The following FGF12 variants were observed in gnomAD, a reference collection of about 807,000 sequenced individuals.
The protein encoded by FGF12 is fibroblast growth factor 12B.
A neutral mutation model predicts 23.6 loss-of-function variants in FGF12; 14 were observed. The observed-to-expected ratio is 0.59, with a 90% confidence interval of 0.39 to 0.93. FGF12 has a LOEUF of 0.93. FGF12 is among the 40% of genes least tolerant of loss of function. The pLI, the probability that FGF12 is intolerant of heterozygous loss-of-function variation, is 0.00. For missense variants in FGF12, 175 were observed against 217.8 expected, an observed-to-expected ratio of 0.80 and a Z score of 1.24; for synonymous variants, 62 against 77.3, an observed-to-expected ratio of 0.80 and a Z score of 1.04.
chr3:192,323,555 G>C (rs891557481), intron 4 of FGF12, among the ~76,000 whole-genome samples: 1 of 152,122 alleles, frequency 6.6e-6, no homozygotes, highest in Non-Finnish European at 1.5e-5. Flanking sequence ...GCTTACCAGA[G>C]GCCAGGAAAG....
rs1038067604 is a variant in FGF12 at position 192,319,527 on chromosome 3, G to A, written c.228+15834C>T. 3.9e-5 allele frequency among the ~76,000 whole-genome samples: 6 copies of A among 152,246 alleles called. 1 individual carries two copies. Among genetic ancestry groups the A allele is most frequent in the Admixed American group, 3.3e-4 (5 of 15,278 alleles). Reference sequence around the variant, plus strand: ...CACGAGAAGAACTTGAACCTGGGAGGCGGAGGTTGCAGTGAGCTGAGATCG... The same window carrying A: ...CACGAGAAGAACTTGAACCTGGGAGACGGAGGTTGCAGTGAGCTGAGATCG... On this transcript the variant is annotated intron_variant, in intron 4 of 5. Coordinates refer to ENST00000445105, the MANE Select transcript of FGF12 (RefSeq NM_004113.6).
At chr3:192,362,919 A>T (rs987032139) in intron 2 of FGF12, among the ~76,000 whole-genome samples, 1 of 152,270 alleles carries the variant, frequency 6.6e-6, no homozygotes, top group South Asian at 2.1e-4. Flanking sequence ...CAGGATATAA[A>T]ACAATAGAGG....
chr3:192,545,673 T>G (rs1725477889), intron 2 of FGF12, among the ~76,000 whole-genome samples: 1 of 152,250 alleles, frequency 6.6e-6, no homozygotes, highest in Non-Finnish European at 1.5e-5. Context: ...CAGAGGGTTC[T>G]TTTATGGATA....
intron 2 of FGF12, among the ~76,000 whole-genome samples, chr3:192,478,589 T>C (rs974189554): frequency 6.6e-6 from 1 of 152,180 alleles, no homozygotes; most frequent in Non-Finnish European, 1.5e-5. Flanking sequence ...GAGTCTACTG[T>C]ATTCATTCTT....
intron 2 of FGF12, among the ~76,000 whole-genome samples, chr3:192,594,990 G>A (rs1713780330): frequency 6.8e-6 from 1 of 147,940 alleles, no homozygotes; most frequent in Admixed American, 6.7e-5. Context: ...TATAAAGTTA[G>A]ATGCCAACTT....
intron 2 of FGF12, among the ~76,000 whole-genome samples, chr3:192,435,399 GC>G (rs1270757390): frequency 6.6e-6 from 1 of 152,116 alleles, no homozygotes; most frequent in Non-Finnish European, 1.5e-5. Context: ...CTTAGCAAAA[GC>G]CTCTAAAAGA....
At chr3:192,568,008 T>C (rs1712421887) in intron 2 of FGF12, among the ~76,000 whole-genome samples, 3 of 151,896 alleles carry the variant, frequency 2.0e-5, no homozygotes, top group South Asian at 4.2e-4. Flanking sequence ...AATTTTTGTA[T>C]ATTTAATAGA....
At chr3:192,724,708 T>C (rs1719153916) in intron 2 of FGF12, among the ~76,000 whole-genome samples, 1 of 152,202 alleles carries the variant, frequency 6.6e-6, no homozygotes. Context: ...CAGGGAGTGA[T>C]GCAAAGTTGT....
chr3:192,533,787 A>G (rs1175539657), intron 2 of FGF12, among the ~76,000 whole-genome samples: 2 of 152,182 alleles, frequency 1.3e-5, no homozygotes, highest in Non-Finnish European at 2.9e-5. Context: ...CTCTCTCCAT[A>G]GGCTAGAAAG....
chr3:192,155,945 A>G (rs745444734), intron 5 of FGF12, among the ~76,000 whole-genome samples: 3 of 152,222 alleles, frequency 2.0e-5, no homozygotes, highest in African/African-American at 7.2e-5. Context: ...GATTTGTAGT[A>G]GCTCGAAGTG....
chr3:192,159,085 C>A (rs1040393212), intron 5 of FGF12, among the ~76,000 whole-genome samples: 1 of 152,122 alleles, frequency 6.6e-6, no homozygotes, highest in Non-Finnish European at 1.5e-5. Flanking sequence ...CTCACCAGCT[C>A]CCTCCTCATT....
intron 3 of FGF12, among the ~76,000 whole-genome samples, chr3:192,343,755 T>A (rs755926113): frequency 2.0e-5 from 3 of 152,162 alleles, no homozygotes; most frequent in Non-Finnish European, 2.9e-5. Context: ...ACAGTGCTTA[T>A]TAATATTTAT....
Position 192,392,597 on chromosome 3 carries a change from A to AACTCC in FGF12, c.14-32060_14-32059insGGAGT, listed in dbSNP as rs1560097145. On this transcript the variant is annotated intron_variant, in intron 2 of 5. Coordinates refer to ENST00000445105, the MANE Select transcript of FGF12 (RefSeq NM_004113.6). The stretch of plus-strand genomic sequence containing the variant: ...GGCAACAAAAGTGAAACTCCGAGAG[A>AACTCC]GAGAGAGAGAGAGAGAGAGAGAGAG... Among the ~76,000 whole-genome samples, 4 of 36,560 alleles carry AACTCC rather than the reference A, an allele frequency of 1.1e-4. No homozygotes were observed. In the East Asian group the frequency reaches 6.5e-3, roughly 59 times the overall value. The allele number at this position is 36,560 out of a possible 152,430, so 24.0% of individuals were successfully genotyped here.
chr3:192,659,447 C>A (rs1037373317), intron 2 of FGF12, among the ~76,000 whole-genome samples: 2 of 152,108 alleles, frequency 1.3e-5, no homozygotes, highest in Non-Finnish European at 2.9e-5. Context: ...AACCATCAGT[C>A]GCTCCCACTG....
In FGF12 at chr3:192,240,573, T is replaced by C. The variant is rs892509759; in HGVS notation, c.229-69917A>G. ...GAAGTAGTTGTTGACTTCAAACTGC[T>C]CAGAATCTGGTAAAATAGATGACCT... On this transcript the variant is annotated intron_variant, in intron 4 of 5. Coordinates refer to ENST00000445105, the MANE Select transcript of FGF12 (RefSeq NM_004113.6). Among the ~76,000 whole-genome samples, 11 of 152,290 alleles carry C rather than the reference T, an allele frequency of 7.2e-5. No individual in the cohort carries two copies. The East Asian group carries it at 9.6e-4, about 13-fold the overall frequency.
chr3:192,157,001 T>C (rs1049308058), intron 5 of FGF12, among the ~76,000 whole-genome samples: 1 of 152,206 alleles, frequency 6.6e-6, no homozygotes, highest in Non-Finnish European at 1.5e-5. Flanking sequence ...AACGGAGAGA[T>C]TTAACCCAGC....
chr3:192,436,105 G>C (rs576576836), intron 2 of FGF12, among the ~76,000 whole-genome samples: 1 of 152,200 alleles, frequency 6.6e-6, no homozygotes, highest in African/African-American at 2.4e-5. Context: ...GAGCTCTGAA[G>C]GAAACAGAAG....
Position 192,140,914 on chromosome 3 carries a change from A to G in FGF12, c.*3095T>C, listed in dbSNP as rs1429572478. ...TCAGCTCCATTTGTTTCTATACTTT[A>G]TTCTGCGAGCTTAAAAATCAAGTAA... is the stretch of plus-strand genomic sequence containing the variant. On this transcript the variant is annotated 3_prime_UTR_variant, in exon 6 of 6. Transcript: ENST00000445105. The G allele has an allele frequency of 6.6e-6, 1 of 151,936 alleles. No homozygotes were observed. The highest frequency in any genetic ancestry group is 6.6e-5 in the Admixed American group (1 of 15,264). The allele number at this position is 151,936 out of a possible 1,614,324, so 9.4% of individuals were successfully genotyped here.
chr3:192,191,628 G>A (rs995981196), intron 4 of FGF12, among the ~76,000 whole-genome samples: 4 of 152,166 alleles, frequency 2.6e-5, no homozygotes, highest in African/African-American at 9.7e-5. Context: ...GAGGTCAAGA[G>A]ATGGAGACCA....
Sources: gnomAD v4.1 joint callset for allele counts (sites outside exome capture counted in the v4.1 genomes callset) on GRCh38, gnomAD v4.1.1 for gene constraint, MANE v1.5 for transcripts, NCBI Gene and HGNC (gene_info 2026-07-23, HGNC 2026-07-21) for gene names.